The following PTPRO variants were observed in gnomAD, a reference collection of about 807,000 sequenced individuals.
The protein encoded by PTPRO is receptor-type tyrosine-protein phosphatase O.
In PTPRO, 62 loss-of-function variants were observed where a neutral mutation model predicts 145.2. The ratio of observed to expected loss-of-function variants is 0.43; its 90% CI spans 0.35 to 0.53. The LOEUF (loss-of-function observed/expected upper bound fraction) is 0.53. Ranked by LOEUF, PTPRO falls within the 20% of genes least tolerant of loss-of-function variation. PTPRO has a pLI of 0.01. For missense variants in PTPRO, 1,345 were observed against 1,482.7 expected, an observed-to-expected ratio of 0.91 and a Z score of 1.53; for synonymous variants, 565 against 514.7, an observed-to-expected ratio of 1.10 and a Z score of -1.32.
intron 1 of PTPRO, among the ~76,000 whole-genome samples, chr12:15,371,198 C>A (rs1938517013): frequency 6.7e-6 from 1 of 150,368 alleles, no homozygotes; most frequent in African/African-American, 2.4e-5. Context: ...AGCAAATATT[C>A]TTCTAATGTT....
intron 2 of PTPRO, among the ~76,000 whole-genome samples, chr12:15,493,467 G>C (rs928318889): frequency 2.0e-5 from 3 of 151,974 alleles, no homozygotes; most frequent in African/African-American, 7.2e-5. Flanking sequence ...ATTAGCAGGA[G>C]AAGATGGAAA....
chr12:15,507,013 A>G (rs1942333911), intron 6 of PTPRO, among the ~76,000 whole-genome samples: 1 of 152,184 alleles, frequency 6.6e-6, no homozygotes, highest in South Asian at 2.1e-4. Context: ...TTTTGGAATC[A>G]GACTTCCTGT....
intron 1 of PTPRO, among the ~76,000 whole-genome samples, chr12:15,377,981 G>A (rs765398194): frequency 7.9e-5 from 12 of 152,040 alleles, no homozygotes; most frequent in Non-Finnish European, 1.5e-4. Context: ...AAACTTACAA[G>A]ATATAGCTAA....
chr12:15,428,993 C>G (rs1401291552), intron 1 of PTPRO, among the ~76,000 whole-genome samples: 1 of 152,160 alleles, frequency 6.6e-6, no homozygotes, highest in Admixed American at 6.6e-5. Context: ...ACAAGGAAAA[C>G]TAATAAATAC....
intron 1 of PTPRO, chr12:15,337,453 A>G (rs1423994495): frequency 6.6e-6 from 1 of 152,176 alleles, no homozygotes; most frequent in Non-Finnish European, 1.5e-5. Context: ...GAAAACCGTG[A>G]TGGATGGTTA....
At chr12:15,532,182 G>A (rs764450493) in intron 12 of PTPRO, among the ~76,000 whole-genome samples, 1 of 152,160 alleles carries the variant, frequency 6.6e-6, no homozygotes, top group South Asian at 2.1e-4. Context: ...CTTTAAAATT[G>A]TATAGGTAAT....
chr12:15,512,037 C>G (rs549729898), intron 7 of PTPRO, among the ~76,000 whole-genome samples: 30 of 152,174 alleles, frequency 2.0e-4, no homozygotes, highest in African/African-American at 6.7e-4. Context: ...GATTAATGAG[C>G]TAGGTCAGCA....
At chr12:15,462,905 A>T (rs900590631) in intron 1 of PTPRO, among the ~76,000 whole-genome samples, 1 of 152,180 alleles carries the variant, frequency 6.6e-6, no homozygotes, top group Non-Finnish European at 1.5e-5. Flanking sequence ...AAAAATGTAG[A>T]TGCATTAATC....
rs563092649 is a variant in PTPRO, at chr12:15,343,600, A to AG, written c.75+20799_75+20800insG. Among the ~76,000 whole-genome samples, 500 of 152,298 alleles carry AG rather than the reference A, an allele frequency of 3.3e-3. 3 individuals are homozygous for AG. Among genetic ancestry groups the AG allele is most frequent in the Middle Eastern group, 3.4e-3 (1 of 294 alleles). On this transcript the variant is annotated intron_variant, in intron 1 of 26. Coordinates refer to ENST00000281171, the MANE Select transcript of PTPRO (RefSeq NM_030667.3). ...CTACTTCAGAGGCTGAGATGGGAGA[A>AG]TCGCTTGAGCACAGGAAGTCGGGGT...
At chr12:15,371,591 C>T (rs1316523282) in intron 1 of PTPRO, among the ~76,000 whole-genome samples, 1 of 152,124 alleles carries the variant, frequency 6.6e-6, no homozygotes, top group African/African-American at 2.4e-5. Context: ...TACCCATTCA[C>T]TAAGGCTGAC....
chr12:15,353,422 T>C (rs1020353513), intron 1 of PTPRO, among the ~76,000 whole-genome samples: 2 of 152,072 alleles, frequency 1.3e-5, no homozygotes, highest in Admixed American at 1.3e-4. Flanking sequence ...CAGTTTTTTT[T>C]TTTACATTAT....
intron 1 of PTPRO, among the ~76,000 whole-genome samples, chr12:15,406,263 A>G (rs146792219): frequency 2.0e-3 from 309 of 152,328 alleles, no homozygotes; most frequent in African/African-American, 7.0e-3. Flanking sequence ...GCCATTGCAC[A>G]GGGATATTGT....
intron 21 of PTPRO, among the ~76,000 whole-genome samples, chr12:15,580,366 T>C (rs1204824633): frequency 6.6e-6 from 1 of 152,260 alleles, no homozygotes; most frequent in Non-Finnish European, 1.5e-5. Context: ...ACCTCTCTTA[T>C]GTTTAAATTT....
At chr12:15,551,029 A>G (rs1315979352) in intron 14 of PTPRO, among the ~76,000 whole-genome samples, 1 of 152,162 alleles carries the variant, frequency 6.6e-6, no homozygotes, top group Non-Finnish European at 1.5e-5. Context: ...ACGGATCATC[A>G]GAATGTCTGC....
chr12:15,572,680 C>G (rs1284256405), intron 19 of PTPRO, among the ~76,000 whole-genome samples: 1 of 151,930 alleles, frequency 6.6e-6, no homozygotes, highest in Admixed American at 6.6e-5. Flanking sequence ...GGAGTTTGTA[C>G]AGAAGTTGTG....
At chr12:15,497,188 A>G in intron 2 of PTPRO, 57 bp from the exon 3 acceptor site, 4 of 1,445,044 alleles carry the variant, frequency 2.8e-6, no homozygotes, top group Non-Finnish European at 9.7e-7. Context: ...AAGTATTGAT[A>G]TCGGCCTTTC....
intron 1 of PTPRO, among the ~76,000 whole-genome samples, chr12:15,411,417 T>G (rs1384679284): frequency 1.3e-5 from 2 of 152,246 alleles, no homozygotes; most frequent in East Asian, 3.8e-4. Context: ...CATTTTTTAC[T>G]TATTTAAAGA....
At chr12:15,452,404 C>A (rs1251413948) in intron 1 of PTPRO, among the ~76,000 whole-genome samples, 1 of 152,108 alleles carries the variant, frequency 6.6e-6, no homozygotes, top group Non-Finnish European at 1.5e-5. Context: ...CAGGTGAATT[C>A]TATCAGTCTT....
At chr12:15,515,096 T>C (rs569611885) in intron 7 of PTPRO, among the ~76,000 whole-genome samples, 1 of 152,296 alleles carries the variant, frequency 6.6e-6, no homozygotes, top group African/African-American at 2.4e-5. Flanking sequence ...AGATATTATA[T>C]GCTTCTAAGT....
Sources: gnomAD v4.1 joint callset for allele counts (sites outside exome capture counted in the v4.1 genomes callset) on GRCh38, gnomAD v4.1.1 for gene constraint, MANE v1.5 for transcripts, NCBI Gene and HGNC (gene_info 2026-07-23, HGNC 2026-07-21) for gene names.